The following FBXL18 variants were observed in gnomAD, a reference collection of about 807,000 sequenced individuals.
The protein encoded by FBXL18 is F-box/LRR-repeat protein 18.
FBXL18 carries 36 observed loss-of-function variants against 46.0 expected under a neutral mutation model. That is an observed-to-expected ratio of 0.78 (90% CI 0.60 to 1.03). FBXL18 has a LOEUF of 1.03. Among genes scored for constraint, FBXL18 ranks in the 50% least tolerant of loss-of-function variants. The pLI is 0.00. For missense variants in FBXL18, 977 were observed against 1,004.1 expected (o/e 0.97, Z 0.36); for synonymous variants, 557 against 465.3 (o/e 1.20, Z -2.54).
At chr7:5,473,879 C>T (rs1783465995), downstream of FBXL18, among the ~76,000 whole-genome samples, 2 of 152,022 alleles carry the variant, frequency 1.3e-5, no homozygotes, top group Non-Finnish European at 2.9e-5. Flanking sequence ...ACTGCAGCCC[C>T]CACCTCCCAG....
chr7:5,482,085 A>T (rs1476492734), intron 4 of FBXL18, among the ~76,000 whole-genome samples, 154 bp from the exon 5 acceptor site: 1 of 152,196 alleles, frequency 6.6e-6, no homozygotes, highest in African/African-American at 2.4e-5. Context: ...TCACCCTCTA[A>T]GTGCCTCAAG....
At chr7:5,506,379 C>T (rs188483975) in intron 1 of FBXL18, among the ~76,000 whole-genome samples, 2 of 151,676 alleles carry the variant, frequency 1.3e-5, no homozygotes, top group African/African-American at 2.4e-5. Context: ...CTCCCAAGTA[C>T]GTGGGATTAC....
intron 4 of FBXL18, among the ~76,000 whole-genome samples, chr7:5,488,398 G>A (rs554049275): frequency 4.1e-4 from 63 of 152,350 alleles, no homozygotes; most frequent in African/African-American, 1.5e-3. Context: ...TCGAGGGTGG[G>A]GCGGGGGGCT....
downstream of FBXL18, among the ~76,000 whole-genome samples, chr7:5,473,030 C>G (rs1164903175): frequency 6.6e-6 from 1 of 152,108 alleles, no homozygotes; most frequent in Non-Finnish European, 1.5e-5. Context: ...CAGCCATTGG[C>G]GTCGGCAGCA....
rs758605007 is a variant in FBXL18, at chr7:5,491,289, G to A, written c.1942C>T (p.Leu648=). The change falls in exon 4 of 5, where the codon CTG becomes TTG. Residue 648 remains leucine (L), a synonymous_variant. Transcript: ENST00000382368. ...ARCLQVVMCH[L]FTGESLATCK... ...GTGGCGAGGGACTCCCCGGTGAACA[G>A]GTGGCACATGACAACCTGCAGGCAG... The A allele has an allele frequency of 1.2e-6, 2 of 1,613,142 alleles. No individual in the cohort carries two copies. The highest frequency in any genetic ancestry group is 1.7e-4 in the Middle Eastern group (1 of 6,060).
At chr7:5,486,663 A>AG (rs1206757341) in intron 4 of FBXL18, among the ~76,000 whole-genome samples, 4 of 152,178 alleles carry the variant, frequency 2.6e-5, no homozygotes, top group Admixed American at 6.5e-5. Flanking sequence ...TAAAAAAAGA[A>AG]AAAGAAAGAA....
chr7:5,503,639 C>G (rs1784322806), intron 2 of FBXL18, among the ~76,000 whole-genome samples: 1 of 151,864 alleles, frequency 6.6e-6, no homozygotes, highest in African/African-American at 2.4e-5. Context: ...GCATTATAGG[C>G]ATGAGCCACC....
At chr7:5,475,189 G>A (rs926794238), downstream of FBXL18, among the ~76,000 whole-genome samples, 2 of 151,782 alleles carry the variant, frequency 1.3e-5, no homozygotes, top group Admixed American at 6.6e-5. The surrounding 1 kb of genome is among the most constrained non-coding windows in gnomAD (Gnocchi z 4.2). Flanking sequence ...GGGCGTGGTG[G>A]TGGGTGCCTG....
In FBXL18 at chr7:5,462,341, G is replaced by T. The variant is rs146806014; in HGVS notation, c.2001-14498C>A. Among the ~76,000 whole-genome samples the T allele has an allele frequency of 8.5e-4, 129 of 152,310 alleles. 1 individual carries two copies. Among genetic ancestry groups the T allele is most frequent in the African/African-American group, 3.0e-3 (125 of 41,572 alleles). ...TGAAAGTATTCACTTGCCCGAGGCC[G>T]GTACAGGAAGCCAGGCATTACCTAC... is the stretch of plus-strand genomic sequence containing the variant. On this transcript the variant is annotated intron_variant and NMD_transcript_variant, in intron 4 of 6. Coordinates refer to the FBXL18 transcript ENST00000415009.
In FBXL18 at chr7:5,496,644, G is replaced by A. The variant is rs546631345; in HGVS notation, c.1781+3844C>T. 3.3e-5 allele frequency among the ~76,000 whole-genome samples: 5 copies of A among 152,294 alleles called. No homozygotes were observed. The highest frequency in any genetic ancestry group is 7.2e-5 in the African/African-American group (3 of 41,568). On this transcript the variant is annotated intron_variant, in intron 3 of 4. Coordinates refer to ENST00000382368, the MANE Select transcript of FBXL18 (RefSeq NM_024963.6). The surrounding 1 kb of genome is among the most constrained non-coding windows in gnomAD (Gnocchi z 4.8). ...CACCTGTGATCCCAGCCCTTTGGGC[G>A]GCCCAGGCAAGAGGATCACTTGAGC...
At chr7:5,495,328 G>A (rs1784048623) in intron 3 of FBXL18, among the ~76,000 whole-genome samples, 1 of 152,186 alleles carries the variant, frequency 6.6e-6, no homozygotes, top group South Asian at 2.1e-4. Flanking sequence ...TCCGGGGCCT[G>A]GCTCTGAAAA....
chr7:5,484,107 C>T (rs1377124817), intron 4 of FBXL18, among the ~76,000 whole-genome samples: 1 of 152,140 alleles, frequency 6.6e-6, no homozygotes, highest in East Asian at 1.9e-4. Flanking sequence ...CCTGTGAAAC[C>T]GTCATGCCAT....
chr7:5,471,359 C>T (rs1412289457), downstream of FBXL18, among the ~76,000 whole-genome samples: 1 of 152,174 alleles, frequency 6.6e-6, no homozygotes, highest in East Asian at 1.9e-4. Flanking sequence ...TCACTACAAC[C>T]TCCGCCTCCC....
At position 5,486,802 on chromosome 7, in the gene FBXL18, C is replaced by T. The variant is rs1458954716; in HGVS notation, c.2000+4429G>A. On this transcript the variant is annotated intron_variant, in intron 4 of 4. Transcript: ENST00000382368. ...GTCACCGGCGACAGGTCAGCAGCCA[C>T]GACACCGGCCGGCCCTGCAGGCTGA... 2.0e-5 allele frequency among the ~76,000 whole-genome samples: 3 copies of T among 152,348 alleles called. No individual in the cohort carries two copies. The East Asian group carries it at 5.8e-4, about 29-fold the overall frequency.
downstream of FBXL18, among the ~76,000 whole-genome samples, chr7:5,472,797 A>G (rs991328951): frequency 8.6e-5 from 13 of 152,026 alleles, no homozygotes; most frequent in African/African-American, 2.7e-4. Context: ...CTGTGCAAAT[A>G]CCTGCCCTGG....
At chr7:5,468,022 G>A (rs1036654173) in intron 4 of FBXL18, among the ~76,000 whole-genome samples, 3 of 148,280 alleles carry the variant, frequency 2.0e-5, no homozygotes, top group Admixed American at 6.9e-5. Context: ...TCGCTCTGTC[G>A]CCCAGGCTGG....
chr7:5,500,397 G>C, intron 3 of FBXL18, 91 bp downstream of exon 3: 1 of 1,239,294 alleles, frequency 8.1e-7, no homozygotes, highest in Non-Finnish European at 1.1e-6. Context: ...CACTCCTGGA[G>C]GGCAGGCCAG....
At chr7:5,458,912 C>T (rs1410413412) in intron 4 of FBXL18, among the ~76,000 whole-genome samples, 1 of 152,094 alleles carries the variant, frequency 6.6e-6, no homozygotes, top group Non-Finnish European at 1.5e-5. Context: ...TTTGGGAAGC[C>T]AAGTTGGGAG....
intron 4 of FBXL18, chr7:5,490,160 CTT>C: frequency 7.4e-7 from 1 of 1,356,568 alleles, no homozygotes; most frequent in Non-Finnish European, 9.9e-7. Flanking sequence ...GCTGATGGCT[CTT>C]CTCGCAACTC....
Sources: gnomAD v4.1 joint callset for allele counts (sites outside exome capture counted in the v4.1 genomes callset) on GRCh38, gnomAD v4.1.1 for gene constraint, Gnocchi (gnomAD v3.1) non-coding constraint, MANE v1.5 for transcripts, NCBI Gene and HGNC (gene_info 2026-07-23, HGNC 2026-07-21) for gene names.